CHODL: variants seen among roughly 807,000 people sequenced by gnomAD.
CHODL encodes the protein chondrolectin, also known as transmembrane protein MT75.
CHODL carries 29 observed loss-of-function variants against 34.5 expected under a neutral mutation model. The ratio of observed to expected loss-of-function variants is 0.84; its 90% CI spans 0.63 to 1.15. CHODL has a LOEUF of 1.15. Ranked by LOEUF, CHODL falls within the 50% of genes most tolerant of loss-of-function variation. The pLI, the probability that CHODL is intolerant of heterozygous loss-of-function variation, is 0.00. For missense variants in CHODL, 332 were observed against 332.5 expected (o/e 1.00, Z 0.01); for synonymous variants, 125 against 116.1 (o/e 1.08, Z -0.49).
At chr21:18,221,065 A>T (rs1176041162) in intron 2 of CHODL, among the ~76,000 whole-genome samples, 1 of 152,120 alleles carries the variant, frequency 6.6e-6, no homozygotes, top group Non-Finnish European at 1.5e-5. Context: ...CATGTGTCAC[A>T]TAGGTTTTCT....
At chr21:18,066,894 G>T (rs1353787069) in intron 2 of CHODL, among the ~76,000 whole-genome samples, 1 of 152,104 alleles carries the variant, frequency 6.6e-6, no homozygotes, top group Non-Finnish European at 1.5e-5. Flanking sequence ...CAATAGGTTG[G>T]CCACCTACAA....
intron 1 of CHODL, among the ~76,000 whole-genome samples, chr21:18,005,773 C>T (rs149950425): frequency 4.5e-4 from 69 of 152,224 alleles, no homozygotes; most frequent in African/African-American, 1.6e-3. Flanking sequence ...CATGTAGCTC[C>T]CGAACAATGA....
chr21:18,192,582 T>C (rs2146693680), intron 2 of CHODL, among the ~76,000 whole-genome samples: 1 of 152,330 alleles, frequency 6.6e-6, no homozygotes, highest in African/African-American at 2.4e-5. Flanking sequence ...ATAGGTTTAC[T>C]AGTGCTATAT....
chr21:18,032,390 A>G (rs2064258040), intron 2 of CHODL, among the ~76,000 whole-genome samples: 2 of 152,118 alleles, frequency 1.3e-5, no homozygotes, highest in Admixed American at 1.3e-4. Flanking sequence ...AGGAAAATAC[A>G]GAATGCATAC....
intron 2 of CHODL, among the ~76,000 whole-genome samples, chr21:18,145,462 C>T (rs568128042): frequency 6.9e-6 from 1 of 144,554 alleles, no homozygotes; most frequent in African/African-American, 2.6e-5. Flanking sequence ...AAAAAAGCGG[C>T]ATTCAATATG....
chr21:18,188,456 A>T (rs1197640376), intron 2 of CHODL, among the ~76,000 whole-genome samples: 2 of 152,354 alleles, frequency 1.3e-5, no homozygotes, highest in Admixed American at 6.5e-5. Flanking sequence ...TGACCAAATT[A>T]TATTTGAGAG....
chr21:18,265,279 G>GTA (rs201101374), intron 5 of CHODL, among the ~76,000 whole-genome samples: 20,320 of 136,504 alleles, frequency 0.15, 1,584 homozygotes, highest in African/African-American at 0.26. Flanking sequence ...ATATGTGTGT[G>GTA]TATATATATA....
chr21:18,262,862 G>A lies in CHODL; in HGVS notation c.706G>A (p.Gly236Arg). 1 of 1,609,106 alleles carries A rather than the reference G, an allele frequency of 6.2e-7. No individual in the cohort carries two copies. Among genetic ancestry groups the A allele is most frequent in the Non-Finnish European group, 8.5e-7 (1 of 1,176,078 alleles). The change falls in exon 5 of 6, where the codon GGA (glycine) becomes AGA (arginine). Residue 236 changes from glycine (G) to arginine (R), a missense_variant. Transcript: ENST00000299295. ...GCTCTTACTGATACTGGTTGCTTTT[G>A]GAACCTGTTGTTTCCAGATGCTGCA... ...PLLLLILVAF[G>R]TCCFQMLHKS...
At chr21:18,237,432 C>T (rs542799613) in intron 2 of CHODL, among the ~76,000 whole-genome samples, 1 of 152,228 alleles carries the variant, frequency 6.6e-6, no homozygotes, top group South Asian at 2.1e-4. Flanking sequence ...AAACCTCCCC[C>T]TTTGCAAGCC....
chr21:18,220,383 GT>G (rs1251288420), intron 2 of CHODL, among the ~76,000 whole-genome samples: 3 of 151,924 alleles, frequency 2.0e-5, no homozygotes, highest in African/African-American at 7.2e-5. Context: ...TTTTCTTCTT[GT>G]TTTATATATT....
At chr21:17,923,840 G>T (rs917271351) in intron 1 of CHODL, among the ~76,000 whole-genome samples, 18 of 152,188 alleles carry the variant, frequency 1.2e-4, no homozygotes, top group African/African-American at 4.3e-4. Context: ...TAGAAAAGGT[G>T]CCAAACTACT....
At chr21:18,145,980 G>GT (rs886829775) in intron 2 of CHODL, among the ~76,000 whole-genome samples, 65 of 151,458 alleles carry the variant, frequency 4.3e-4, no homozygotes, top group African/African-American at 1.4e-3. Context: ...TGTTGTTGTT[G>GT]TTTTTTGAGA....
At chr21:18,213,321 T>C (rs1488069402) in intron 2 of CHODL, among the ~76,000 whole-genome samples, 1 of 152,014 alleles carries the variant, frequency 6.6e-6, no homozygotes, top group African/African-American at 2.4e-5. Flanking sequence ...TCTAAGGAGG[T>C]AGAAAGAAAT....
rs1390814417 is a variant in CHODL, at chr21:18,157,421, G to A, written c.-44-99088G>A. The stretch of plus-strand genomic sequence containing the variant: ...CATATTCTGATAACAGTGATGAGAA[G>A]AACAAATGTTAAATTGAAAAGTGCA... On this transcript the variant is annotated intron_variant, in intron 2 of 6. Coordinates refer to the CHODL transcript ENST00000400127. Among the ~76,000 whole-genome samples, 3 of 152,268 alleles carry A rather than the reference G, an allele frequency of 2.0e-5. No homozygotes were observed. In the East Asian group the frequency reaches 5.8e-4, roughly 29 times the overall value.
chr21:18,173,422 C>T (rs928369784), intron 2 of CHODL, among the ~76,000 whole-genome samples: 5 of 152,110 alleles, frequency 3.3e-5, no homozygotes, highest in East Asian at 1.9e-4. Context: ...TTTTGTTAAT[C>T]GGTTCAGTCA....
chr21:18,233,185 T>G (rs2073998927), intron 2 of CHODL, among the ~76,000 whole-genome samples: 1 of 151,932 alleles, frequency 6.6e-6, no homozygotes. Flanking sequence ...TGAGATGGAT[T>G]GCTTTAGATT....
At chr21:18,139,195 G>A (rs553554485) in intron 2 of CHODL, among the ~76,000 whole-genome samples, 21 of 151,840 alleles carry the variant, frequency 1.4e-4, no homozygotes, top group Admixed American at 3.3e-4. Context: ...TGAATCTCAC[G>A]TTCAGCAGTG....
rs75876564 is a variant in CHODL, at chr21:17,941,447, CTT to C, written c.-145+24063_-145+24064del. Among the ~76,000 whole-genome samples the C allele has an allele frequency of 1.7e-4, 20 of 121,208 alleles. No homozygotes were observed. The South Asian group carries it at 1.9e-3, about 11-fold the overall frequency. The allele number at this position is 121,208 out of a possible 152,430, so 79.5% of individuals were successfully genotyped here. Reference sequence around the variant, plus strand: ...TGCATGCATAAATTCAGGAGCTGGGCTTTTTTTTTTTTTTTTTCTGAATGTTC... The same window carrying C: ...TGCATGCATAAATTCAGGAGCTGGGCTTTTTTTTTTTTTTTCTGAATGTTC... On this transcript the variant is annotated intron_variant, in intron 1 of 6. Coordinates refer to the CHODL transcript ENST00000400127.
chr21:17,976,478 G>A (rs1429865017), intron 1 of CHODL, among the ~76,000 whole-genome samples: 1 of 151,924 alleles, frequency 6.6e-6, no homozygotes, highest in Non-Finnish European at 1.5e-5. Flanking sequence ...AATAGCTGTT[G>A]GGCATCTTTC....
Sources: gnomAD v4.1 joint callset for allele counts (sites outside exome capture counted in the v4.1 genomes callset) on GRCh38, gnomAD v4.1.1 for gene constraint, MANE v1.5 for transcripts, NCBI Gene and HGNC (gene_info 2026-07-23, HGNC 2026-07-21) for gene names.